Variants in CYREN observed in about 807,000 individuals in gnomAD.
CYREN encodes cell cycle regulator of non-homologous end joining.
Under a neutral mutation model 9.7 loss-of-function variants are expected in CYREN, and 7 were observed. That is an observed-to-expected ratio of 0.72 (90% CI 0.41 to 1.36). The LOEUF (loss-of-function observed/expected upper bound fraction) is 1.36, where lower values mean the gene tolerates loss of function less well. Ranked by LOEUF, CYREN falls within the 40% of genes most tolerant of loss-of-function variation. The pLI, the probability that CYREN is intolerant of heterozygous loss-of-function variation, is 0.01. For missense variants in CYREN, 215 were observed against 198.1 expected (o/e 1.09, Z -0.51); for synonymous variants, 76 against 77.9 (o/e 0.98, Z 0.13).
At chr7:135,172,311 T>C (rs976500459), upstream of CYREN, among the ~76,000 whole-genome samples, 1 of 152,226 alleles carries the variant, frequency 6.6e-6, no homozygotes, top group African/African-American at 2.4e-5. Context: ...CTTGAATTGC[T>C]GGATACTTTG....
chr7:135,171,243 C>A (rs1378071002), upstream of CYREN, among the ~76,000 whole-genome samples: 1 of 151,980 alleles, frequency 6.6e-6, no homozygotes, highest in Admixed American at 6.5e-5. Context: ...GAAAGAATTT[C>A]AGCCCTCCGA....
Position 135,129,191 on chromosome 7 carries a change from C to T in CYREN, n.357-34609G>A, listed in dbSNP as rs1828375632. The T allele has an allele frequency of 3.5e-6, 5 of 1,423,716 alleles. No homozygotes were observed. In the South Asian group the frequency reaches 4.6e-5, roughly 13 times the overall value. 88.2% of individuals were successfully genotyped at this position (1,423,716 alleles called of 1,614,324 possible). ...TGGACCTGATGGCAGATGTGGTGTA[C>T]TGCCCCCACGCATGCTGCCAGCTGC... On this transcript the variant is annotated intron_variant and non_coding_transcript_variant, in intron 2 of 2. Transcript: ENST00000459937.
intron 2 of CYREN, among the ~76,000 whole-genome samples, chr7:135,116,496 G>T (rs567142576): frequency 1.3e-5 from 2 of 152,134 alleles, no homozygotes; most frequent in Non-Finnish European, 2.9e-5. Context: ...CTCTTCACTA[G>T]GCCTCCTCTG....
chr7:135,095,909 T>G (rs1453204785), intron 2 of CYREN, among the ~76,000 whole-genome samples: 1 of 152,190 alleles, frequency 6.6e-6, no homozygotes, highest in Non-Finnish European at 1.5e-5. Flanking sequence ...CCCAGCACTT[T>G]GGGAGGCTGA....
chr7:135,149,208 G>C (rs1201814864), intron 2 of CYREN, among the ~76,000 whole-genome samples: 1 of 151,066 alleles, frequency 6.6e-6, no homozygotes, highest in African/African-American at 2.4e-5. Flanking sequence ...CATAAATGTA[G>C]CACATAATTC....
intron 2 of CYREN, among the ~76,000 whole-genome samples, chr7:135,127,426 G>A (rs1292110723): frequency 2.6e-5 from 4 of 152,010 alleles, no homozygotes; most frequent in African/African-American, 9.7e-5. Context: ...GGTGGCGCAC[G>A]CCTGTAGTCC....
At chr7:135,136,533 C>T (rs1249609058) in intron 2 of CYREN, among the ~76,000 whole-genome samples, 3 of 151,990 alleles carry the variant, frequency 2.0e-5, no homozygotes, top group African/African-American at 7.2e-5. Context: ...TGGGCAAGAG[C>T]AGAAGTCTAC....
intron 2 of CYREN, among the ~76,000 whole-genome samples, chr7:135,153,456 C>CAA (rs55776467): frequency 0.1 from 8,505 of 81,250 alleles, 820 homozygotes; most frequent in African/African-American, 0.19. Flanking sequence ...TCCATCTCCA[C>CAA]AAAAAAAAAA....
At chr7:135,101,029 C>A in intron 2 of CYREN, 1 of 370,530 alleles carries the variant, frequency 2.7e-6, no homozygotes, top group African/African-American at 2.1e-5. Flanking sequence ...ATTACTCTTA[C>A]ATGAGTAGCT....
At chr7:135,119,496 CTGGGATTA>C (rs2117226760) in intron 2 of CYREN, among the ~76,000 whole-genome samples, 1 of 151,864 alleles carries the variant, frequency 6.6e-6, no homozygotes, top group Non-Finnish European at 1.5e-5. Context: ...TCCCAAAGTG[CTGGGATTA>C]CAGGCATGAG....
intron 2 of CYREN, among the ~76,000 whole-genome samples, chr7:135,131,460 A>T (rs1024196488): frequency 6.1e-4 from 25 of 40,664 alleles, no homozygotes; most frequent in Admixed American, 1.1e-3. Context: ...AACAAAAATT[A>T]AAAAAAAAAT....
At chr7:135,162,811 TAC>T (rs1378768051), downstream of CYREN, among the ~76,000 whole-genome samples, 1 of 152,184 alleles carries the variant, frequency 6.6e-6, no homozygotes, top group African/African-American at 2.4e-5. Context: ...ATATGTAAAA[TAC>T]AGTGTGCAGA....
At chr7:135,094,375 T>A (rs911784965) in exon 3 of CYREN, 2 of 456,684 alleles carry the variant, frequency 4.4e-6, no homozygotes, top group Non-Finnish European at 4.4e-6. Context: ...TGAGATCTGC[T>A]TGTCTGAGGC....
intron 2 of CYREN, among the ~76,000 whole-genome samples, chr7:135,134,567 G>T (rs905109006): frequency 1.6e-4 from 24 of 151,872 alleles, no homozygotes; most frequent in Admixed American, 2.6e-4. Context: ...AGGAGCTGGG[G>T]CCCAGAGTGG....
At chr7:135,105,795 T>C (rs973644620) in intron 2 of CYREN, among the ~76,000 whole-genome samples, 2 of 152,238 alleles carry the variant, frequency 1.3e-5, no homozygotes, top group African/African-American at 2.4e-5. Flanking sequence ...GGTAGTTTGA[T>C]AGGAATAGCA....
chr7:135,130,152 C>T lies in CYREN; in HGVS notation n.357-35570G>A, dbSNP rs541026438. Among the ~76,000 whole-genome samples the T allele has an allele frequency of 3.3e-4, 51 of 152,268 alleles. No individual in the cohort carries two copies. The South Asian group carries it at 5.2e-3, about 15-fold the overall frequency. ...ATGAAAATTATACTGAGAATCTGAT[C>T]TCATTTACTCCATGTTAATCACATT... On this transcript the variant is annotated intron_variant and non_coding_transcript_variant, in intron 2 of 2. Coordinates refer to the CYREN transcript ENST00000459937.
At chr7:135,149,752 T>C (rs559236445) in intron 2 of CYREN, among the ~76,000 whole-genome samples, 20 of 152,364 alleles carry the variant, frequency 1.3e-4, no homozygotes, top group African/African-American at 4.6e-4. Flanking sequence ...TTAATTACAT[T>C]AGAAAAGTTA....
intron 2 of CYREN, among the ~76,000 whole-genome samples, chr7:135,124,520 T>C (rs1440250261): frequency 2.0e-5 from 3 of 152,222 alleles, no homozygotes; most frequent in Admixed American, 6.5e-5. Flanking sequence ...ATTCAGGACT[T>C]GAACTCTCAG....
intron 1 of CYREN, 21 bp from the exon 2 acceptor site, chr7:135,169,081 C>T (rs930917134): frequency 4.2e-6 from 3 of 709,286 alleles, no homozygotes; most frequent in Admixed American, 6.3e-5. Context: ...CAATAAAGTC[C>T]GGTGAATTCC....
Sources: allele counts gnomAD v4.1 joint callset (sites outside exome capture counted in the v4.1 genomes callset), GRCh38; gene constraint gnomAD v4.1.1; transcripts MANE v1.5; gene names NCBI Gene and HGNC (gene_info 2026-07-23, HGNC 2026-07-21).